Variants in DAB1 observed in about 807,000 individuals in gnomAD.
DAB1 encodes the protein disabled homolog 1.
Under a neutral mutation model 64.6 loss-of-function variants are expected in DAB1, and 15 were observed. The ratio of observed to expected loss-of-function variants is 0.23; its 90% CI spans 0.16 to 0.36. The LOEUF (loss-of-function observed/expected upper bound fraction) is 0.36. Ranked by LOEUF, DAB1 falls within the 10% of genes least tolerant of loss-of-function variation. DAB1 has a pLI of 1.00. For missense variants in DAB1, 596 were observed against 706.7 expected (o/e 0.84, Z 1.78); for synonymous variants, 235 against 251.9 (o/e 0.93, Z 0.64).
At chr1:57,694,222 T>C (rs1646797260) in intron 6 of DAB1, among the ~76,000 whole-genome samples, 1 of 152,176 alleles carries the variant, frequency 6.6e-6, no homozygotes, top group Non-Finnish European at 1.5e-5. Context: ...GAAGACTTAG[T>C]CATGGTTGCA....
chr1:57,976,651 T>C (rs897793784), intron 5 of DAB1, among the ~76,000 whole-genome samples: 26 of 152,162 alleles, frequency 1.7e-4, no homozygotes, highest in Non-Finnish European at 1.3e-4. Flanking sequence ...CATATCACTA[T>C]GTGACACTTT....
intron 3 of DAB1, among the ~76,000 whole-genome samples, chr1:58,349,524 A>G (rs944468680): frequency 3.9e-5 from 6 of 152,014 alleles, no homozygotes; most frequent in Non-Finnish European, 8.8e-5. Context: ...TTTGTTATAT[A>G]GGTATGCACA....
At chr1:57,646,778 AATAC>A (rs371040215) in intron 7 of DAB1, among the ~76,000 whole-genome samples, 9 of 152,240 alleles carry the variant, frequency 5.9e-5, no homozygotes, top group African/African-American at 2.2e-4. Flanking sequence ...AAAACCCCAA[AATAC>A]TCTGGTTGCT....
At chr1:57,150,402 T>A (rs1421236068) in intron 2 of DAB1, among the ~76,000 whole-genome samples, 1 of 152,180 alleles carries the variant, frequency 6.6e-6, no homozygotes, top group African/African-American at 2.4e-5. Context: ...GACTGTGTGG[T>A]TACCCTAATT....
chr1:57,790,018 C>T (rs932622594), intron 6 of DAB1, among the ~76,000 whole-genome samples: 5 of 152,152 alleles, frequency 3.3e-5, no homozygotes, highest in African/African-American at 1.2e-4. Flanking sequence ...ACAGGAGGCA[C>T]CAACGGACCA....
chr1:58,446,320 C>T (rs1359621912), intron 3 of DAB1, among the ~76,000 whole-genome samples: 1 of 152,182 alleles, frequency 6.6e-6, no homozygotes, highest in Non-Finnish European at 1.5e-5. Context: ...ATAAATTTCT[C>T]AGTAAATATT....
At chr1:58,413,807 C>A (rs1644692010) in intron 3 of DAB1, among the ~76,000 whole-genome samples, 1 of 152,126 alleles carries the variant, frequency 6.6e-6, no homozygotes, top group African/African-American at 2.4e-5. Flanking sequence ...AGAACCTATT[C>A]CCTCGACTAT....
At chr1:57,304,966 T>A (rs1361595075) in intron 1 of DAB1, among the ~76,000 whole-genome samples, 1 of 152,200 alleles carries the variant, frequency 6.6e-6, no homozygotes, top group Non-Finnish European at 1.5e-5. Flanking sequence ...ATAAGCAGAC[T>A]GGGTTGGTCA....
At chr1:57,724,128 T>C (rs910156578) in intron 6 of DAB1, among the ~76,000 whole-genome samples, 1 of 152,066 alleles carries the variant, frequency 6.6e-6, no homozygotes, top group African/African-American at 2.4e-5. Flanking sequence ...TTGGTGGTAG[T>C]TCATTCTTGA....
chr1:57,873,852 A>C (rs967456521), intron 1 of DAB1: 1 of 152,164 alleles, frequency 6.6e-6, no homozygotes, highest in Non-Finnish European at 1.5e-5. Flanking sequence ...ATATAATAGT[A>C]TTTGCTATTA....
chr1:58,115,851 G>A (rs11485540), intron 5 of DAB1, among the ~76,000 whole-genome samples: 3 of 116,182 alleles, frequency 2.6e-5, no homozygotes, highest in Admixed American at 9.1e-5. Context: ...GGTCGGGGGA[G>A]GGGGGAGGGA....
intron 1 of DAB1, among the ~76,000 whole-genome samples, chr1:57,397,129 C>T (rs1239336043): frequency 6.6e-6 from 1 of 152,136 alleles, no homozygotes; most frequent in East Asian, 1.9e-4. Context: ...ACCCTTTTCC[C>T]TTAATTTTCT....
chr1:58,441,935 G>A (rs1645014202), intron 3 of DAB1, among the ~76,000 whole-genome samples: 1 of 152,172 alleles, frequency 6.6e-6, no homozygotes, highest in Non-Finnish European at 1.5e-5. Flanking sequence ...TCACACGAAA[G>A]AGACCGAGGG....
At chr1:57,281,289 C>T (rs1246425291) in intron 2 of DAB1, among the ~76,000 whole-genome samples, 1 of 152,164 alleles carries the variant, frequency 6.6e-6, no homozygotes, top group African/African-American at 2.4e-5. Flanking sequence ...TGACCCACAA[C>T]TGGGGGGCAT....
At chr1:58,188,559 C>T (rs1286634159) in intron 4 of DAB1, among the ~76,000 whole-genome samples, 1 of 152,130 alleles carries the variant, frequency 6.6e-6, no homozygotes, top group African/African-American at 2.4e-5. Flanking sequence ...ACTAAGATCC[C>T]ATGTTTATAA....
At chr1:58,301,289 C>T (rs1044574543) in intron 4 of DAB1, among the ~76,000 whole-genome samples, 20 of 151,916 alleles carry the variant, frequency 1.3e-4, no homozygotes, top group African/African-American at 4.6e-4. Flanking sequence ...CTGCGGAAAG[C>T]ACTAAACCCA....
At chr1:57,018,440 C>T (rs1275820864) in intron 11 of DAB1, among the ~76,000 whole-genome samples, 1 of 152,200 alleles carries the variant, frequency 6.6e-6, no homozygotes, top group Non-Finnish European at 1.5e-5. Context: ...TACAAGTTCT[C>T]TTTCTTTTCT....
chr1:58,262,334 A>G (rs1406679355), intron 4 of DAB1, among the ~76,000 whole-genome samples: 1 of 152,192 alleles, frequency 6.6e-6, no homozygotes, highest in African/African-American at 2.4e-5. Flanking sequence ...TGAAGGATTA[A>G]GCCTGATCCT....
At chr1:58,086,331 A>G (rs962750680) in intron 5 of DAB1, among the ~76,000 whole-genome samples, 12 of 152,160 alleles carry the variant, frequency 7.9e-5, no homozygotes, top group African/African-American at 2.7e-4. Context: ...ATTTAAAGGC[A>G]GTTTGTCATG....
Sources: gnomAD v4.1 joint callset for allele counts (sites outside exome capture counted in the v4.1 genomes callset) on GRCh38, gnomAD v4.1.1 for gene constraint, MANE v1.5 for transcripts, NCBI Gene and HGNC (gene_info 2026-07-23, HGNC 2026-07-21) for gene names.